RSBN1L: variants seen among roughly 807,000 people sequenced by gnomAD.
The protein encoded by RSBN1L is round spermatid basic protein 1 like.
In RSBN1L, 30 loss-of-function variants were observed where a neutral mutation model predicts 67.7. The ratio of observed to expected loss-of-function variants is 0.44; its 90% CI spans 0.33 to 0.60. The LOEUF (loss-of-function observed/expected upper bound fraction) is 0.60, where lower values mean the gene tolerates loss of function less well. RSBN1L is among the 20% of genes least tolerant of loss of function. RSBN1L has a pLI of 0.02. For missense variants in RSBN1L, 992 were observed against 1,031.7 expected, an observed-to-expected ratio of 0.96 and a Z score of 0.53; for synonymous variants, 433 against 387.0, an observed-to-expected ratio of 1.12 and a Z score of -1.39.
chr7:77,749,437 A>G lies in RSBN1L; in HGVS notation c.717A>G (p.Lys239=), dbSNP rs748392104. 5.1e-6 allele frequency: 8 copies of G among 1,558,100 alleles called. No individual in the cohort carries two copies. In the Admixed American group the frequency reaches 1.8e-4, roughly 35 times the overall value. Residue 239 remains lysine (K), a synonymous_variant, in exon 3 of 8, where the codon AAA becomes AAG. Coordinates refer to ENST00000334955, the MANE Select transcript of RSBN1L (RefSeq NM_198467.3). The stretch of plus-strand genomic sequence containing the variant: ...TTTTTCCAACAGGTGGGAAGGAGAA[A>G]CCAAAAACAAATATAGAAGACTTAC... ...VKILLKSGKE[K]PKTNIEDLQI...
intron 1 of RSBN1L, among the ~76,000 whole-genome samples, chr7:77,716,530 A>G (rs1441430025): frequency 6.9e-6 from 1 of 145,616 alleles, no homozygotes; most frequent in Non-Finnish European, 1.5e-5. Context: ...GTCACGCTCT[A>G]GATATTTTCA....
chr7:77,702,895 A>C (rs752055935), intron 1 of RSBN1L, among the ~76,000 whole-genome samples: 2 of 152,062 alleles, frequency 1.3e-5, no homozygotes, highest in Non-Finnish European at 2.9e-5. Flanking sequence ...ATTTTATTGG[A>C]TTGGGACTGT....
chr7:77,718,350 G>A (rs150030775), intron 1 of RSBN1L, among the ~76,000 whole-genome samples: 1 of 152,252 alleles, frequency 6.6e-6, no homozygotes, highest in East Asian at 1.9e-4. Flanking sequence ...TGCCTAGGCT[G>A]GTAGGCACTG....
intron 2 of RSBN1L, among the ~76,000 whole-genome samples, chr7:77,738,844 C>T (rs2150421691): frequency 6.6e-6 from 1 of 152,170 alleles, no homozygotes; most frequent in South Asian, 2.1e-4. Flanking sequence ...GAGGCTGAGG[C>T]ATGTGAATCG....
intron 3 of RSBN1L, among the ~76,000 whole-genome samples, chr7:77,763,285 T>G (rs1791719678): frequency 6.6e-6 from 1 of 152,096 alleles, no homozygotes; most frequent in Non-Finnish European, 1.5e-5. Flanking sequence ...AACTCTAATT[T>G]GACTTTTTAG....
At chr7:77,766,985 A>G (rs1412107883) in intron 4 of RSBN1L, among the ~76,000 whole-genome samples, 1 of 151,636 alleles carries the variant, frequency 6.6e-6, no homozygotes, top group East Asian at 1.9e-4. Context: ...AAAGCACATG[A>G]ACTAAATGCA....
chr7:77,696,675 T>G lies in RSBN1L; in HGVS notation c.206T>G (p.Leu69Arg). ...GGCAGCGGCGGGAACAGCAGGCAGCTGCAGCCGCCGGCAGCACCTTCGCCT... is the reference window on the plus strand; with the variant it reads ...GGCAGCGGCGGGAACAGCAGGCAGCGGCAGCCGCCGGCAGCACCTTCGCCT... ...EGGSGGNSRQ[L>R]QPPAAPSPQS... The change falls in exon 1 of 8, where the codon CTG becomes CGG. Residue 69 changes from leucine (L) to arginine (R), a missense_variant. This residue lies in a region of RSBN1L where 575 missense variants were observed against 483.2 expected (regional missense o/e 1.19). Coordinates refer to ENST00000334955, the MANE Select transcript of RSBN1L (RefSeq NM_198467.3). 1 of 1,610,990 alleles carries G rather than the reference T, an allele frequency of 6.2e-7. No homozygotes were observed. The highest frequency in any genetic ancestry group is 2.2e-5 in the East Asian group (1 of 44,838).
chr7:77,765,789 T>C (rs1037576640), intron 4 of RSBN1L, among the ~76,000 whole-genome samples, 157 bp downstream of exon 4: 70 of 152,304 alleles, frequency 4.6e-4, no homozygotes, highest in African/African-American at 1.6e-3. Context: ...TTATTTGAAC[T>C]GGAGGGAAGG....
chr7:77,727,742 A>C (rs959921930), intron 1 of RSBN1L, among the ~76,000 whole-genome samples: 3 of 151,966 alleles, frequency 2.0e-5, no homozygotes, highest in African/African-American at 7.3e-5. Context: ...TTTGGATTAC[A>C]GGTGTAAGCC....
intron 3 of RSBN1L, among the ~76,000 whole-genome samples, chr7:77,762,038 T>C (rs941442433): frequency 6.6e-6 from 1 of 152,170 alleles, no homozygotes; most frequent in African/African-American, 2.4e-5. Flanking sequence ...TTATTTTTGG[T>C]TTTATTAGTG....
intron 3 of RSBN1L, among the ~76,000 whole-genome samples, chr7:77,750,300 T>G (rs1791540168): frequency 1.9e-5 from 2 of 106,992 alleles, no homozygotes; most frequent in Non-Finnish European, 3.9e-5. Flanking sequence ...TTCTGTGTTT[T>G]TTTTTTTTTT....
intron 4 of RSBN1L, among the ~76,000 whole-genome samples, chr7:77,768,144 TGC>T (rs1791798874): frequency 6.6e-6 from 1 of 151,952 alleles, no homozygotes; most frequent in African/African-American, 2.4e-5. Context: ...CGTGAGCCAC[TGC>T]GCGCCCAGCC....
intron 2 of RSBN1L, 100 bp from the exon 3 acceptor site, chr7:77,749,324 A>G: frequency 1.1e-6 from 1 of 888,718 alleles, no homozygotes; most frequent in Non-Finnish European, 1.7e-6. Flanking sequence ...TTCTGAGTAA[A>G]TTTTCAGAAG....
intron 1 of RSBN1L, among the ~76,000 whole-genome samples, chr7:77,726,773 C>A (rs2150418059): frequency 9.4e-6 from 1 of 105,954 alleles, no homozygotes; most frequent in African/African-American, 4.0e-5. Flanking sequence ...CCACACCCAG[C>A]TAATTTTTTT....
chr7:77,758,114 G>A (rs1337007448), intron 3 of RSBN1L, among the ~76,000 whole-genome samples: 1 of 152,126 alleles, frequency 6.6e-6, no homozygotes, highest in Non-Finnish European at 1.5e-5. Flanking sequence ...CGATAAAAGA[G>A]TATATATAGT....
intron 3 of RSBN1L, among the ~76,000 whole-genome samples, chr7:77,755,162 A>G (rs1190695323): frequency 6.6e-6 from 1 of 152,166 alleles, no homozygotes; most frequent in African/African-American, 2.4e-5. Context: ...CCAATATTGG[A>G]ATGTAGTTTT....
At chr7:77,711,456 C>T (rs1176533069) in intron 1 of RSBN1L, among the ~76,000 whole-genome samples, 1 of 151,984 alleles carries the variant, frequency 6.6e-6, no homozygotes, top group Non-Finnish European at 1.5e-5. Context: ...CCCCTTGCCC[C>T]AGCCTCCTGA....
At chr7:77,740,167 CTT>C (rs894315619) in intron 2 of RSBN1L, among the ~76,000 whole-genome samples, 1 of 152,106 alleles carries the variant, frequency 6.6e-6, no homozygotes, top group Admixed American at 6.5e-5. Flanking sequence ...ATTATTTGCT[CTT>C]TTCAAAATAG....
At chr7:77,746,902 A>G (rs1791491409) in intron 2 of RSBN1L, among the ~76,000 whole-genome samples, 1 of 152,210 alleles carries the variant, frequency 6.6e-6, no homozygotes, top group Non-Finnish European at 1.5e-5. Context: ...CACATCCAGG[A>G]CACTCTCATG....
Sources: gnomAD v4.1 joint callset for allele counts (sites outside exome capture counted in the v4.1 genomes callset) on GRCh38, gnomAD v4.1.1 for gene constraint, gnomAD v4.1.1 regional missense constraint, MANE v1.5 for transcripts, NCBI Gene and HGNC (gene_info 2026-07-23, HGNC 2026-07-21) for gene names.